SHB: variants seen among roughly 807,000 people sequenced by gnomAD.
SHB encodes SH2 domain-containing adapter protein B.
In SHB, 20 loss-of-function variants were observed where a neutral mutation model predicts 52.3. The ratio of observed to expected loss-of-function variants is 0.38; its 90% CI spans 0.27 to 0.56. The LOEUF (loss-of-function observed/expected upper bound fraction) is 0.56, where lower values mean the gene tolerates loss of function less well. Among genes scored for constraint, SHB ranks in the 20% least tolerant of loss-of-function variants. The pLI is 0.71. For missense variants in SHB, 825 were observed against 723.3 expected, an observed-to-expected ratio of 1.14 and a Z score of -1.61; for synonymous variants, 397 against 316.5, an observed-to-expected ratio of 1.25 and a Z score of -2.70.
At chr9:37,945,900 C>A (rs964699194) in intron 5 of SHB, among the ~76,000 whole-genome samples, 1 of 152,218 alleles carries the variant, frequency 6.6e-6, no homozygotes, top group African/African-American at 2.4e-5. Context: ...AACTTGGTCA[C>A]ACAGGGAGCA....
At chr9:38,023,886 C>T (rs137861148) in intron 1 of SHB, among the ~76,000 whole-genome samples, 109 of 152,310 alleles carry the variant, frequency 7.2e-4, no homozygotes, top group African/African-American at 2.5e-3. Flanking sequence ...ACAAGCGCCC[C>T]CTACTCGCCT....
intron 1 of SHB, among the ~76,000 whole-genome samples, chr9:38,039,569 C>A (rs952274817): frequency 2.0e-5 from 3 of 152,266 alleles, no homozygotes; most frequent in African/African-American, 7.2e-5. Context: ...TGGGCCCAGT[C>A]CCTGCCATCT....
intron 5 of SHB, among the ~76,000 whole-genome samples, chr9:37,945,548 C>G (rs1447114093): frequency 6.6e-6 from 1 of 152,246 alleles, no homozygotes; most frequent in Non-Finnish European, 1.5e-5. Context: ...CAGGTGAGAA[C>G]AACCCCGGCC....
chr9:38,057,654 G>A (rs1047146519), intron 1 of SHB, among the ~76,000 whole-genome samples: 5 of 152,174 alleles, frequency 3.3e-5, no homozygotes, highest in Non-Finnish European at 4.4e-5. Flanking sequence ...AGGGATTACC[G>A]GGCTGTCTGG....
chr9:38,059,403 AC>A (rs2118187385), intron 1 of SHB, among the ~76,000 whole-genome samples: 1 of 152,322 alleles, frequency 6.6e-6, no homozygotes, highest in South Asian at 2.1e-4. Context: ...TCCTTCCTTT[AC>A]AGCATAATGG....
chr9:38,059,623 G>A (rs950552561), intron 1 of SHB, among the ~76,000 whole-genome samples: 49 of 152,294 alleles, frequency 3.2e-4, no homozygotes, highest in African/African-American at 9.1e-4. Context: ...GTCCTCTGTC[G>A]ATGCTCCTTA....
At chr9:37,973,514 C>T (rs966710471) in intron 3 of SHB, among the ~76,000 whole-genome samples, 28 of 152,206 alleles carry the variant, frequency 1.8e-4, no homozygotes, top group Non-Finnish European at 3.7e-4. Flanking sequence ...TGAGCCACCG[C>T]GCCCGGCCTT....
chr9:37,991,481 A>G (rs1820881405), intron 2 of SHB, among the ~76,000 whole-genome samples: 1 of 152,232 alleles, frequency 6.6e-6, no homozygotes, highest in Non-Finnish European at 1.5e-5. Flanking sequence ...AGTTTGGAAC[A>G]AATTATGTAT....
At chr9:38,032,632 G>A (rs1821429435) in intron 1 of SHB, among the ~76,000 whole-genome samples, 1 of 152,212 alleles carries the variant, frequency 6.6e-6, no homozygotes, top group African/African-American at 2.4e-5. Context: ...TGGGGAAGCA[G>A]TGCTTCCGCC....
chr9:37,995,822 A>G (rs973449504), intron 2 of SHB, among the ~76,000 whole-genome samples: 1 of 152,128 alleles, frequency 6.6e-6, no homozygotes, highest in African/African-American at 2.4e-5. Context: ...ACTGTTCTGA[A>G]GACACTTGAC....
intron 2 of SHB, among the ~76,000 whole-genome samples, chr9:37,984,734 C>T (rs2244481): frequency 6.6e-6 from 1 of 151,890 alleles, no homozygotes; most frequent in African/African-American, 2.4e-5. Flanking sequence ...TTAGACACGC[C>T]GCAAAACCAG....
At chr9:37,962,104 AT>A (rs973717169) in intron 3 of SHB, among the ~76,000 whole-genome samples, 5 of 152,220 alleles carry the variant, frequency 3.3e-5, no homozygotes, top group African/African-American at 1.2e-4. Context: ...TAGCTGCCTC[AT>A]CTGCAAACCA....
intron 2 of SHB, among the ~76,000 whole-genome samples, chr9:37,982,980 C>CCCCG (rs1000567011): frequency 8.0e-5 from 12 of 150,008 alleles, no homozygotes; most frequent in Non-Finnish European, 1.6e-4. Context: ...GGTGCCCCCC[C>CCCCG]CTCCATCTTT....
chr9:37,967,159 G>C (rs1820536195), intron 3 of SHB, among the ~76,000 whole-genome samples: 1 of 152,182 alleles, frequency 6.6e-6, no homozygotes, highest in Non-Finnish European at 1.5e-5. Context: ...ACCCTACCTT[G>C]CAAGGCTCTG....
chr9:37,993,324 C>G (rs767965343), intron 2 of SHB, among the ~76,000 whole-genome samples: 4 of 152,104 alleles, frequency 2.6e-5, no homozygotes, highest in Non-Finnish European at 4.4e-5. Flanking sequence ...ACGAACTGAG[C>G]TAAAAATAAG....
chr9:38,031,430 G>A (rs933015541), intron 1 of SHB, among the ~76,000 whole-genome samples: 4 of 152,198 alleles, frequency 2.6e-5, no homozygotes, highest in Non-Finnish European at 4.4e-5. Flanking sequence ...TTTAAGGTGA[G>A]TAAGTTTAGC....
At chr9:37,923,467 C>T (rs1832207668) in intron 5 of SHB, among the ~76,000 whole-genome samples, 1 of 152,176 alleles carries the variant, frequency 6.6e-6, no homozygotes, top group Non-Finnish European at 1.5e-5. Flanking sequence ...GGTCCGAGGT[C>T]CCGAGACTAT....
intron 2 of SHB, among the ~76,000 whole-genome samples, chr9:38,012,327 A>G (rs1821150529): frequency 6.6e-6 from 1 of 152,112 alleles, no homozygotes; most frequent in African/African-American, 2.4e-5. Flanking sequence ...CCCACAACTG[A>G]CTTACCAGCT....
At chr9:37,947,111 G>C (rs578122532) in intron 5 of SHB, among the ~76,000 whole-genome samples, 4 of 152,126 alleles carry the variant, frequency 2.6e-5, no homozygotes, top group Non-Finnish European at 4.4e-5. Flanking sequence ...AACTTTCCTC[G>C]GCTGCCATAA....
Sources: gnomAD v4.1 joint callset for allele counts (sites outside exome capture counted in the v4.1 genomes callset) on GRCh38, gnomAD v4.1.1 for gene constraint, MANE v1.5 for transcripts, NCBI Gene and HGNC (gene_info 2026-07-23, HGNC 2026-07-21) for gene names.